PTPRA: variants seen among roughly 807,000 people sequenced by gnomAD.
The protein encoded by PTPRA is protein tyrosine phosphatase receptor type A.
PTPRA carries 25 observed loss-of-function variants against 104.8 expected under a neutral mutation model. That is an observed-to-expected ratio of 0.24 (90% confidence interval 0.17 to 0.33). The LOEUF (loss-of-function observed/expected upper bound fraction) is 0.33. PTPRA is among the 10% of genes least tolerant of loss of function. The pLI, the probability that PTPRA is intolerant of heterozygous loss-of-function variation, is 1.00. For synonymous variants in PTPRA, 323 were observed against 368.9 expected, an observed-to-expected ratio of 0.88 and a Z score of 1.43; for missense variants, 765 against 1,015.3, an observed-to-expected ratio of 0.75 and a Z score of 3.35.
At chr20:2,966,042 T>C (rs2061933460) in intron 5 of PTPRA, among the ~76,000 whole-genome samples, 1 of 152,166 alleles carries the variant, frequency 6.6e-6, no homozygotes, top group African/African-American at 2.4e-5. Context: ...AGATGGTGAG[T>C]GCCCCTAAGC....
rs931405346 is a variant in PTPRA, at chr20:3,022,980, A to G, written c.1464+156A>G. Reference sequence around the variant, plus strand: ...GATAGATCACACTGTTACCGTGTCTATGTAGAAAAAGGAAGACACGAGAAA... The same window carrying G: ...GATAGATCACACTGTTACCGTGTCTGTGTAGAAAAAGGAAGACACGAGAAA... On this transcript the variant is annotated intron_variant, in intron 16 of 23. Coordinates refer to ENST00000399903, the MANE Select transcript of PTPRA (RefSeq NM_001385305.1). The surrounding 1 kb of genome is among the most constrained non-coding windows in gnomAD (Gnocchi z 4.6). Among the ~76,000 whole-genome samples the G allele has an allele frequency of 2.0e-5, 3 of 152,318 alleles. No homozygotes were observed. Among genetic ancestry groups the G allele is most frequent in the South Asian group, 2.1e-4 (1 of 4,820 alleles).
intron 2 of PTPRA, among the ~76,000 whole-genome samples, chr20:2,933,693 C>T (rs1286750100): frequency 6.6e-6 from 1 of 152,002 alleles, no homozygotes; most frequent in African/African-American, 2.4e-5. Context: ...AACTCCTGAC[C>T]TCAAGTGATT....
At chr20:2,932,073 G>A (rs1452088567) in intron 2 of PTPRA, among the ~76,000 whole-genome samples, 1 of 152,174 alleles carries the variant, frequency 6.6e-6, no homozygotes, top group East Asian at 1.9e-4. Context: ...AAATTTTGAT[G>A]TGTGAATGGT....
intron 1 of PTPRA, among the ~76,000 whole-genome samples, chr20:2,910,939 A>G (rs1381643117): frequency 2.4e-5 from 2 of 84,322 alleles, no homozygotes; most frequent in African/African-American, 7.8e-5. Flanking sequence ...TTTTTTTTGT[A>G]GAGATGTGGT....
rs1465227002 is a variant in PTPRA at position 3,037,973 on chromosome 20, T to G, written c.2335-86T>G. 1.3e-5 allele frequency: 15 copies of G among 1,187,048 alleles called. No homozygotes were observed. The highest frequency in any genetic ancestry group is 1.7e-5 in the Non-Finnish European group (14 of 809,274). The allele number at this position is 1,187,048 out of a possible 1,614,324, so 73.5% of individuals were successfully genotyped here. On this transcript the variant is annotated intron_variant, in intron 23 of 23. Transcript: ENST00000399903. This position sits in a 1 kb window ranked among gnomAD's most constrained non-coding sequence, Gnocchi z 4.3. ...TTCAGTTCCTCTTGATTTTCCATCT[T>G]CAACAAAAAAATGAGTCTGTTAGGA...
the PTPRA span, chr20:2,865,611 A>G: frequency 1.1e-6 from 1 of 926,758 alleles, no homozygotes; most frequent in Admixed American, 2.6e-5. The surrounding 1 kb of genome is among the most constrained non-coding windows in gnomAD (Gnocchi z 5.2). Flanking sequence ...CTGCCCGCAT[A>G]GTTAGCGAGT....
At chr20:2,957,729 G>C (rs1285258266) in intron 3 of PTPRA, among the ~76,000 whole-genome samples, 1 of 152,170 alleles carries the variant, frequency 6.6e-6, no homozygotes, top group Non-Finnish European at 1.5e-5. Flanking sequence ...GGGGAGTTAA[G>C]GGTGTCTAGT....
chr20:2,953,497 C>A (rs1460274902), intron 3 of PTPRA, among the ~76,000 whole-genome samples: 1 of 152,066 alleles, frequency 6.6e-6, no homozygotes, highest in Non-Finnish European at 1.5e-5. Flanking sequence ...TTGTGATTCA[C>A]CCGCCTCAGC....
intron 20 of PTPRA, among the ~76,000 whole-genome samples, chr20:3,029,312 G>A (rs969599617): frequency 6.6e-6 from 1 of 151,514 alleles, no homozygotes; most frequent in Non-Finnish European, 1.5e-5. Flanking sequence ...GCTAGTTTTT[G>A]TATTTTTTTG....
intron 5 of PTPRA, among the ~76,000 whole-genome samples, chr20:2,970,305 A>G (rs1197826891): frequency 2.6e-5 from 4 of 152,160 alleles, no homozygotes; most frequent in African/African-American, 9.7e-5. Context: ...TGCCACATTT[A>G]CCTCTGCTAG....
chr20:3,027,529 G>A (rs1164735870), intron 19 of PTPRA, among the ~76,000 whole-genome samples, 178 bp from the exon 20 acceptor site: 1 of 152,154 alleles, frequency 6.6e-6, no homozygotes, highest in Non-Finnish European at 1.5e-5. Context: ...CCACTTCCCT[G>A]TCTCTTACAG....
At position 3,035,548 on chromosome 20, in the gene PTPRA, A is replaced by ACT; in HGVS notation, c.1921-34_1921-33dup. On this transcript the variant is annotated intron_variant, in intron 20 of 23. Transcript: ENST00000399903. The surrounding 1 kb of genome is among the most constrained non-coding windows in gnomAD (Gnocchi z 5.8). ...GCAGTGCTGCTTCTACACATGTGGT[A>ACT]CTCTGAGCTCCTCACCTCTCCAACC... is the stretch of plus-strand genomic sequence containing the variant. 6.3e-7 allele frequency: 1 copy of ACT among 1,585,514 alleles called. No individual in the cohort carries two copies. The highest frequency in any genetic ancestry group is 8.7e-7 in the Non-Finnish European group (1 of 1,155,412).
At chr20:2,893,212 G>A (rs1278763019) in intron 1 of PTPRA, among the ~76,000 whole-genome samples, 3 of 152,206 alleles carry the variant, frequency 2.0e-5, no homozygotes, top group African/African-American at 7.2e-5. Context: ...GCAGTGCCTG[G>A]TTTGTAGTAG....
intron 1 of PTPRA, among the ~76,000 whole-genome samples, chr20:2,881,177 TGTGCCTCTGGGTAATTTCAGCTACTC>T (rs2090028491): frequency 6.6e-6 from 1 of 151,510 alleles, no homozygotes; most frequent in Admixed American, 6.6e-5. Flanking sequence ...CGTGGTGGCG[TGTGCCTCTGGGTAATTTCAGCTACTC>T]GGGAGGCTGA....
At chr20:2,943,206 T>TCCCCCCCCCC (rs147898735) in intron 2 of PTPRA, among the ~76,000 whole-genome samples, 2 of 97,152 alleles carry the variant, frequency 2.1e-5, no homozygotes, top group Admixed American at 1.1e-4. Context: ...TTGGAACATA[T>TCCCCCCCCCC]CCCCCCACCC....
chr20:2,871,151 A>C (rs534561547), upstream of PTPRA, among the ~76,000 whole-genome samples: 13 of 152,020 alleles, frequency 8.6e-5, no homozygotes, highest in African/African-American at 3.1e-4. Flanking sequence ...TAGTTCTGTC[A>C]CCCCTGTGCA....
intron 2 of PTPRA, among the ~76,000 whole-genome samples, chr20:2,941,534 C>G (rs768708834): frequency 1.5e-4 from 23 of 152,216 alleles, no homozygotes; most frequent in Non-Finnish European, 2.4e-4. Flanking sequence ...ACATCCAGTG[C>G]TATATTCTCT....
chr20:2,887,388 A>G lies in PTPRA; in HGVS notation c.-129+13628A>G, dbSNP rs188760925. On this transcript the variant is annotated intron_variant, in intron 1 of 23. Transcript: ENST00000399903. The stretch of plus-strand genomic sequence containing the variant: ...TTGTGGAGAACGGACTGGGCAGGGT[A>G]TAGAGACTTATTTGATGTTTATTAG... Among the ~76,000 whole-genome samples, 35 of 152,252 alleles carry G rather than the reference A, an allele frequency of 2.3e-4. No homozygotes were observed. In the East Asian group the frequency reaches 6.4e-3, roughly 28 times the overall value.
chr20:2,937,127 C>CTT (rs5839977), intron 2 of PTPRA, among the ~76,000 whole-genome samples: 5,364 of 136,876 alleles, frequency 0.039, 383 homozygotes, highest in African/African-American at 0.13. Flanking sequence ...CTTTCTTCTT[C>CTT]TTTTTTTTTT....
Sources: gnomAD v4.1 joint callset for allele counts (sites outside exome capture counted in the v4.1 genomes callset) on GRCh38, gnomAD v4.1.1 for gene constraint, Gnocchi (gnomAD v3.1) non-coding constraint, MANE v1.5 for transcripts, NCBI Gene and HGNC (gene_info 2026-07-23, HGNC 2026-07-21) for gene names.